Variants in IPCEF1 observed in about 807,000 individuals in gnomAD.
IPCEF1 encodes interaction protein for cytohesin exchange factors 1.
In IPCEF1, 31 loss-of-function variants were observed where a neutral mutation model predicts 50.9. The observed-to-expected ratio is 0.61, with a 90% CI of 0.46 to 0.82. The LOEUF (loss-of-function observed/expected upper bound fraction) is 0.82. Ranked by LOEUF, IPCEF1 falls within the 40% of genes least tolerant of loss-of-function variation. The probability of loss-of-function intolerance (pLI) is 0.00; values close to 1 mark genes in which losing one functional copy is unlikely to be tolerated. For synonymous variants in IPCEF1, 181 were observed against 192.0 expected, an observed-to-expected ratio of 0.94 and a Z score of 0.47; for missense variants, 458 against 514.0, an observed-to-expected ratio of 0.89 and a Z score of 1.05.
At chr6:154,301,256 G>C (rs1340925946) in intron 1 of IPCEF1, among the ~76,000 whole-genome samples, 1 of 152,116 alleles carries the variant, frequency 6.6e-6, no homozygotes, top group East Asian at 1.9e-4. Flanking sequence ...TGAGATATGA[G>C]GAAGGAATGA....
chr6:154,326,785 G>A (rs1303361442), intron 1 of IPCEF1, among the ~76,000 whole-genome samples: 1 of 152,086 alleles, frequency 6.6e-6, no homozygotes, highest in Admixed American at 6.5e-5. Flanking sequence ...GAACAAAGCT[G>A]GAGACATTAT....
chr6:154,349,419 C>A (rs1286455623), intron 1 of IPCEF1, among the ~76,000 whole-genome samples: 4 of 151,358 alleles, frequency 2.6e-5, no homozygotes, highest in Non-Finnish European at 4.4e-5. Flanking sequence ...CAGACGAGGT[C>A]TTGCTATACG....
chr6:154,293,307 C>G (rs1026118210), intron 1 of IPCEF1, among the ~76,000 whole-genome samples: 5 of 152,204 alleles, frequency 3.3e-5, no homozygotes, highest in Non-Finnish European at 5.9e-5. Flanking sequence ...AAGTCCAGGT[C>G]AGCGCAACTG....
chr6:154,223,113 A>G, intron 6 of IPCEF1, 57 bp downstream of exon 6: 1 of 1,312,180 alleles, frequency 7.6e-7, no homozygotes, highest in Admixed American at 1.7e-5. Context: ...CTTGGTGAAC[A>G]TTATGAAGAG....
chr6:154,323,233 A>G (rs1004004974), intron 1 of IPCEF1, among the ~76,000 whole-genome samples: 1 of 152,020 alleles, frequency 6.6e-6, no homozygotes, highest in Admixed American at 6.5e-5. Context: ...GAATCCACAC[A>G]GCTGTCCCCT....
At position 154,159,774 on chromosome 6, in the gene IPCEF1, A is replaced by G; in HGVS notation, c.*54T>C. On this transcript the variant is annotated 3_prime_UTR_variant, in exon 12 of 12. Coordinates refer to ENST00000367220, the MANE Select transcript of IPCEF1 (RefSeq NM_001130700.2). ...AAGGAAAAATGTAAGCTTTTGCAAC[A>G]TCTTGAAGAGTTGCTTGTGATAAAA... is the stretch of plus-strand genomic sequence containing the variant. 1 of 1,393,032 alleles carries G rather than the reference A, an allele frequency of 7.2e-7. No individual in the cohort carries two copies. Among genetic ancestry groups the G allele is most frequent in the Non-Finnish European group, 1.0e-6 (1 of 994,042 alleles). The allele number at this position is 1,393,032 out of a possible 1,614,324, so 86.3% of individuals were successfully genotyped here.
At chr6:154,279,138 A>T (rs1782144611) in intron 2 of IPCEF1, among the ~76,000 whole-genome samples, 1 of 151,958 alleles carries the variant, frequency 6.6e-6, no homozygotes. Context: ...AAAAAAAAAA[A>T]AAAGTGGGCA....
intron 10 of IPCEF1, among the ~76,000 whole-genome samples, chr6:154,181,011 A>G (rs1323418872): frequency 6.6e-6 from 1 of 152,206 alleles, no homozygotes; most frequent in East Asian, 1.9e-4. Context: ...GGTATTTTGC[A>G]TACCCTAAAG....
intron 2 of IPCEF1, among the ~76,000 whole-genome samples, chr6:154,272,772 A>C (rs1314712109): frequency 6.6e-6 from 1 of 152,190 alleles, no homozygotes; most frequent in Non-Finnish European, 1.5e-5. Context: ...AGAAATATGG[A>C]CTCTCATCCT....
At chr6:154,170,634 T>C (rs568064145) in intron 10 of IPCEF1, among the ~76,000 whole-genome samples, 3 of 152,216 alleles carry the variant, frequency 2.0e-5, no homozygotes, top group African/African-American at 4.8e-5. Context: ...ATTAGACTTT[T>C]GGCTCACACC....
rs1798851650 is a variant in IPCEF1, at chr6:154,159,591, C to CA, written c.*236dup. On this transcript the variant is annotated 3_prime_UTR_variant, in exon 12 of 12. Transcript: ENST00000367220. ...TCACCGTGAGCTCCCAGTAGGAACA[C>CA]AAAAAACGCCTTTCAACTGAACTCA... 1 of 520,974 alleles carries CA rather than the reference C, an allele frequency of 1.9e-6. No individual in the cohort carries two copies. The highest frequency in any genetic ancestry group is 3.5e-5 in the East Asian group (1 of 28,266). The allele number at this position is 520,974 out of a possible 1,614,324, so 32.3% of individuals were successfully genotyped here.
At chr6:154,240,724 C>T (rs189980865) in intron 5 of IPCEF1, among the ~76,000 whole-genome samples, 9 of 152,338 alleles carry the variant, frequency 5.9e-5, no homozygotes, top group Non-Finnish European at 1.0e-4. Flanking sequence ...CTGAAATTCA[C>T]ATGAAGTGTG....
rs148163437 is a variant in IPCEF1 at position 154,331,446 on chromosome 6, C to T, written c.-62+25226G>A. 8.3e-3 allele frequency among the ~76,000 whole-genome samples: 854 copies of T among 103,256 alleles called. 7 individuals carry two copies. Among genetic ancestry groups the T allele is most frequent in the African/African-American group, 0.031 (771 of 24,772 alleles). 67.7% of individuals were successfully genotyped at this position (103,256 alleles called of 152,430 possible). Reference sequence around the variant, plus strand: ...AAGAGAGAGAGAGAAAGAAAGAGAACGAAAGAAAGAAAGGAAAAGAAAGAA... The same window carrying T: ...AAGAGAGAGAGAGAAAGAAAGAGAATGAAAGAAAGAAAGGAAAAGAAAGAA... On this transcript the variant is annotated intron_variant, in intron 1 of 11. Coordinates refer to ENST00000367220, the MANE Select transcript of IPCEF1 (RefSeq NM_001130700.2).
chr6:154,222,314 C>A (rs2128617721), intron 6 of IPCEF1, among the ~76,000 whole-genome samples: 1 of 152,376 alleles, frequency 6.6e-6, no homozygotes, highest in Admixed American at 6.5e-5. Context: ...CAGCACTGGA[C>A]ATGTGCAACC....
intron 1 of IPCEF1, among the ~76,000 whole-genome samples, chr6:154,316,482 C>A (rs1245854609): frequency 6.6e-6 from 1 of 152,112 alleles, no homozygotes; most frequent in African/African-American, 2.4e-5. Flanking sequence ...CATGAATAAA[C>A]CTGGAGAACA....
At chr6:154,341,661 C>A (rs722426) in intron 1 of IPCEF1, among the ~76,000 whole-genome samples, 1 of 151,822 alleles carries the variant, frequency 6.6e-6, no homozygotes, top group African/African-American at 2.4e-5. Context: ...GCTCTTTTTC[C>A]TGTGTCCACT....
intron 3 of IPCEF1, among the ~76,000 whole-genome samples, chr6:154,255,347 C>A (rs1781435451): frequency 6.6e-6 from 1 of 152,170 alleles, no homozygotes; most frequent in Non-Finnish European, 1.5e-5. Context: ...TCACCCCTGG[C>A]ACTTTGACTA....
chr6:154,175,488 A>G (rs1800241380), intron 10 of IPCEF1, among the ~76,000 whole-genome samples: 1 of 151,956 alleles, frequency 6.6e-6, no homozygotes, highest in Admixed American at 6.6e-5. Context: ...GATAAAGGGG[A>G]TATCACCACC....
chr6:154,214,134 T>C (rs189069455), intron 8 of IPCEF1, 84 bp downstream of exon 8: 7 of 898,590 alleles, frequency 7.8e-6, no homozygotes, highest in Middle Eastern at 4.5e-4. Context: ...AGACTATACA[T>C]AGAACTTGAC....
Sources: gnomAD v4.1 joint callset for allele counts (sites outside exome capture counted in the v4.1 genomes callset) on GRCh38, gnomAD v4.1.1 for gene constraint, MANE v1.5 for transcripts, NCBI Gene and HGNC (gene_info 2026-07-23, HGNC 2026-07-21) for gene names.